The following PTPRZ1 variants were observed in gnomAD, a reference collection of about 807,000 sequenced individuals.
PTPRZ1 encodes the protein protein tyrosine phosphatase receptor type Z1.
Under a neutral mutation model 214.1 loss-of-function variants are expected in PTPRZ1, and 82 were observed. That is an observed-to-expected ratio of 0.38 (90% CI 0.32 to 0.46). The LOEUF is 0.46. PTPRZ1 is among the 20% of genes least tolerant of loss of function. The probability of loss-of-function intolerance (pLI) is 1.00; values close to 1 mark genes in which losing one functional copy is unlikely to be tolerated. For missense variants in PTPRZ1, 2,603 were observed against 2,748.7 expected, an observed-to-expected ratio of 0.95 and a Z score of 1.19; for synonymous variants, 945 against 987.9, an observed-to-expected ratio of 0.96 and a Z score of 0.81.
intron 10 of PTPRZ1, among the ~76,000 whole-genome samples, chr7:121,998,411 A>G (rs533231298): frequency 3.5e-4 from 53 of 152,244 alleles, no homozygotes; most frequent in African/African-American, 1.2e-3. Context: ...TCCTAAGACC[A>G]TGTGAGGTAC....
intron 21 of PTPRZ1, among the ~76,000 whole-genome samples, chr7:122,041,395 G>A (rs1320179846): frequency 6.7e-6 from 1 of 148,646 alleles, no homozygotes; most frequent in Non-Finnish European, 1.5e-5. Context: ...TATCACAGAA[G>A]CCAAAGCACA....
At chr7:121,993,473 G>A (rs1203243983) in intron 8 of PTPRZ1, among the ~76,000 whole-genome samples, 1 of 151,382 alleles carries the variant, frequency 6.6e-6, no homozygotes, top group Non-Finnish European at 1.5e-5. Flanking sequence ...TGCTCGGGAG[G>A]CTGAGGCAGG....
chr7:121,886,266 A>T (rs1794393735), intron 1 of PTPRZ1, among the ~76,000 whole-genome samples: 1 of 152,174 alleles, frequency 6.6e-6, no homozygotes, highest in African/African-American at 2.4e-5. Context: ...GTGCACATAT[A>T]ATCCTACCTG....
At chr7:122,000,290 G>A (rs1437292790) in intron 10 of PTPRZ1, among the ~76,000 whole-genome samples, 1 of 151,970 alleles carries the variant, frequency 6.6e-6, no homozygotes. Flanking sequence ...AAATTACATT[G>A]TCTTAAATAT....
chr7:122,057,670 T>A (rs1429718378), intron 27 of PTPRZ1, among the ~76,000 whole-genome samples: 1 of 150,834 alleles, frequency 6.6e-6, no homozygotes, highest in Non-Finnish European at 1.5e-5. Context: ...GTCTTTTTTT[T>A]TGTGAAAGAA....
At chr7:121,998,449 A>G (rs1490090886) in intron 10 of PTPRZ1, among the ~76,000 whole-genome samples, 1 of 152,166 alleles carries the variant, frequency 6.6e-6, no homozygotes, top group Non-Finnish European at 1.5e-5. Flanking sequence ...AAGCATCTCA[A>G]GAGTTTGTCT....
In PTPRZ1 at chr7:121,886,857, G is replaced by A. The variant is rs554638426; in HGVS notation, c.58+13300G>A. Among the ~76,000 whole-genome samples the A allele has an allele frequency of 2.6e-5, 4 of 152,110 alleles. No individual in the cohort carries two copies. In the East Asian group the frequency reaches 7.7e-4, roughly 29 times the overall value. On this transcript the variant is annotated intron_variant, in intron 1 of 29. Coordinates refer to ENST00000393386, the MANE Select transcript of PTPRZ1 (RefSeq NM_002851.3). The stretch of plus-strand genomic sequence containing the variant: ...TTTTATGTTTTTTCTACTCATCAGG[G>A]GAAAGGACCTATAGGTTCTTTTGAG...
chr7:121,962,609 G>T (rs1287420777), intron 2 of PTPRZ1, among the ~76,000 whole-genome samples: 1 of 149,926 alleles, frequency 6.7e-6, no homozygotes, highest in Non-Finnish European at 1.5e-5. Context: ...CTGTTGCCCA[G>T]GCTGGAGTGC....
chr7:121,877,507 C>T (rs1420598307), intron 1 of PTPRZ1, among the ~76,000 whole-genome samples: 2 of 152,182 alleles, frequency 1.3e-5, no homozygotes, highest in South Asian at 2.1e-4. Context: ...AAGTTTTCAC[C>T]GATGCATATG....
At chr7:122,038,463 T>A (rs1352999095) in intron 18 of PTPRZ1, among the ~76,000 whole-genome samples, 2 of 149,394 alleles carry the variant, frequency 1.3e-5, no homozygotes, top group African/African-American at 2.5e-5. Flanking sequence ...ACACTTGGAA[T>A]ACAAATGCAC....
At chr7:121,891,192 T>G (rs918428633) in intron 1 of PTPRZ1, among the ~76,000 whole-genome samples, 1 of 152,150 alleles carries the variant, frequency 6.6e-6, no homozygotes, top group African/African-American at 2.4e-5. Flanking sequence ...ACTTTTTCAT[T>G]TGAGGACTTC....
intron 28 of PTPRZ1, 37 bp downstream of exon 28, chr7:122,058,979 A>G: frequency 2.0e-6 from 3 of 1,515,090 alleles, no homozygotes; most frequent in Middle Eastern, 1.7e-4. Flanking sequence ...ACACCTGCAC[A>G]TTTTCTGGGC....
At position 122,011,095 on chromosome 7, in the gene PTPRZ1, T is replaced by G; in HGVS notation, c.2049T>G (p.Val683=). 1.2e-6 allele frequency: 2 copies of G among 1,614,146 alleles called. No homozygotes were observed. The highest frequency in any genetic ancestry group is 1.7e-6 in the Non-Finnish European group (2 of 1,180,024). ...FLQTNYTEIR[V]DESEKTTKSF... ...AGACTAATTACACTGAGATACGTGT[T>G]GATGAATCTGAGAAGACAACCAAGT... Residue 683 remains valine, a synonymous_variant, in exon 12 of 30, where the codon GTT becomes GTG. Coordinates refer to ENST00000393386, the MANE Select transcript of PTPRZ1 (RefSeq NM_002851.3).
At chr7:121,891,566 A>G (rs1031792341) in intron 1 of PTPRZ1, among the ~76,000 whole-genome samples, 1 of 140,130 alleles carries the variant, frequency 7.1e-6, no homozygotes, top group Admixed American at 7.8e-5. Context: ...TTGCATTGTC[A>G]TTTTATTTTT....
intron 28 of PTPRZ1, 36 bp downstream of exon 28, chr7:122,058,978 C>T: frequency 6.6e-7 from 1 of 1,518,740 alleles, no homozygotes; most frequent in Non-Finnish European, 9.0e-7. Context: ...CACACCTGCA[C>T]ATTTTCTGGG....
Position 122,055,232 on chromosome 7 carries a change from T to C in PTPRZ1, c.6528+145T>C, listed in dbSNP as rs1792313304. The stretch of plus-strand genomic sequence containing the variant: ...ATACACAAATAATCAAATTACCTTG[T>C]CACTTTCATTTTCAAAATGATATAG... On this transcript the variant is annotated intron_variant, in intron 27 of 29. Coordinates refer to ENST00000393386, the MANE Select transcript of PTPRZ1 (RefSeq NM_002851.3). 8 of 608,612 alleles carry C rather than the reference T, an allele frequency of 1.3e-5. No individual in the cohort carries two copies. In the South Asian group the frequency reaches 3.7e-4, roughly 28 times the overall value. 37.7% of individuals were successfully genotyped at this position (608,612 alleles called of 1,614,324 possible).
chr7:122,037,214 G>T (rs1054620212), intron 18 of PTPRZ1, among the ~76,000 whole-genome samples: 7 of 151,258 alleles, frequency 4.6e-5, no homozygotes, highest in African/African-American at 1.7e-4. Context: ...GGCAGAGTTT[G>T]CAGTGAGCCG....
chr7:122,037,900 A>C (rs772449542), intron 18 of PTPRZ1, among the ~76,000 whole-genome samples: 21 of 152,288 alleles, frequency 1.4e-4, no homozygotes, highest in Middle Eastern at 3.4e-3. Context: ...GGACACTGCT[A>C]TGAAGGAATA....
In PTPRZ1 at chr7:121,905,650, T is replaced by TACACACACACACACACACACACACAC. The variant is rs10528167; in HGVS notation, c.59-22504_59-22479dup. 3.2e-3 allele frequency among the ~76,000 whole-genome samples: 469 copies of TACACACACACACACACACACACACAC among 145,332 alleles called. 1 individual carries two copies. The highest frequency in any genetic ancestry group is 0.01 in the Middle Eastern group (3 of 288). ...CGGCCGAATTCTGGGTTCTATTCTT[T>TACACACACACACACACACACACACAC]ACACACACACACACACACACACACA... is the stretch of plus-strand genomic sequence containing the variant. On this transcript the variant is annotated intron_variant, in intron 1 of 29. Coordinates refer to ENST00000393386, the MANE Select transcript of PTPRZ1 (RefSeq NM_002851.3).
Sources: allele counts gnomAD v4.1 joint callset (sites outside exome capture counted in the v4.1 genomes callset), GRCh38; gene constraint gnomAD v4.1.1; transcripts MANE v1.5; gene names NCBI Gene and HGNC (gene_info 2026-07-23, HGNC 2026-07-21).